The following REEP1 variants were observed in gnomAD, a reference collection of about 807,000 sequenced individuals.
REEP1 encodes the protein receptor accessory protein 1, also known as receptor expression-enhancing protein 1.
In REEP1, 22 loss-of-function variants were observed where a neutral mutation model predicts 40.3. The observed-to-expected ratio is 0.55, with a 90% CI of 0.39 to 0.78. The LOEUF (loss-of-function observed/expected upper bound fraction) is 0.78, where lower values mean the gene tolerates loss of function less well. Ranked by LOEUF, REEP1 falls within the 30% of genes least tolerant of loss-of-function variation. REEP1 has a pLI of 0.00. For missense variants in REEP1, 280 were observed against 361.1 expected (o/e 0.78, Z 1.82); for synonymous variants, 116 against 139.2 (o/e 0.83, Z 1.17).
intron 2 of REEP1, among the ~76,000 whole-genome samples, chr2:86,267,772 A>G (rs181075731): frequency 1.3e-5 from 2 of 152,310 alleles, no homozygotes; most frequent in Admixed American, 1.3e-4. Context: ...ACAACCCACA[A>G]AATGGTAGAA....
rs548037225 is a variant in REEP1 at position 86,218,279 on chromosome 2, G to A, written c.784-1169C>T. 4.6e-5 allele frequency among the ~76,000 whole-genome samples: 7 copies of A among 152,340 alleles called. No individual in the cohort carries two copies. The East Asian group carries it at 7.7e-4, about 17-fold the overall frequency. ...CAGAGGACTTTGCACCCAGTGGGAA[G>A]GGAGTGTGTGGGGGCCCTGCTCACT... On this transcript the variant is annotated intron_variant, in intron 8 of 8. Transcript: ENST00000538924.
At chr2:86,282,071 C>T in intron 2 of REEP1, 99 bp downstream of exon 2, 9 of 823,526 alleles carry the variant, frequency 1.1e-5, no homozygotes, top group South Asian at 1.1e-4. Flanking sequence ...CTTTTCCCTG[C>T]TTCCAGTGCC....
intron 2 of REEP1, among the ~76,000 whole-genome samples, chr2:86,267,882 G>A (rs577317887): frequency 1.7e-4 from 25 of 151,160 alleles, no homozygotes; most frequent in African/African-American, 5.1e-4. Flanking sequence ...AGTTAAAAAC[G>A]TGCAAAGGGC....
At chr2:86,317,290 T>C (rs1680062968) in intron 1 of REEP1, among the ~76,000 whole-genome samples, 1 of 152,238 alleles carries the variant, frequency 6.6e-6, no homozygotes, top group Non-Finnish European at 1.5e-5. Context: ...TAAAGGATTT[T>C]TTTTGACAAA....
chr2:86,231,894 G>A (rs554266914), intron 6 of REEP1, among the ~76,000 whole-genome samples: 41 of 152,300 alleles, frequency 2.7e-4, no homozygotes, highest in African/African-American at 9.1e-4. Context: ...ACACTTCTGG[G>A]TCTCACCCCA....
intron 2 of REEP1, among the ~76,000 whole-genome samples, chr2:86,275,062 C>A (rs1677680042): frequency 6.6e-6 from 1 of 152,206 alleles, no homozygotes; most frequent in African/African-American, 2.4e-5. Context: ...CAGGCACATT[C>A]AATTTCTCAA....
intron 2 of REEP1, among the ~76,000 whole-genome samples, chr2:86,269,856 T>A (rs984235991): frequency 6.6e-6 from 1 of 151,834 alleles, no homozygotes; most frequent in Non-Finnish European, 1.5e-5. Flanking sequence ...AAAAAACTCT[T>A]AAAACTCAAC....
chr2:86,328,117 G>A (rs1680599709), intron 1 of REEP1, among the ~76,000 whole-genome samples: 1 of 152,196 alleles, frequency 6.6e-6, no homozygotes, highest in African/African-American at 2.4e-5. Flanking sequence ...AACTCCCTCA[G>A]GAGGGGCACG....
intron 1 of REEP1, among the ~76,000 whole-genome samples, chr2:86,310,927 T>C (rs991325656): frequency 5.3e-5 from 8 of 152,328 alleles, no homozygotes; most frequent in Non-Finnish European, 7.3e-5. Context: ...TGGACAGCTA[T>C]GTAGGTCATT....
intron 2 of REEP1, among the ~76,000 whole-genome samples, chr2:86,275,430 CA>C (rs1258955096): frequency 6.6e-6 from 1 of 152,220 alleles, no homozygotes; most frequent in Non-Finnish European, 1.5e-5. Context: ...AGCCTTGCCC[CA>C]GCACACCTTT....
chr2:86,226,814 C>T (rs1032747945), intron 7 of REEP1, among the ~76,000 whole-genome samples: 8 of 152,068 alleles, frequency 5.3e-5, no homozygotes, highest in African/African-American at 1.9e-4. Context: ...CTTTGATACT[C>T]CTCCCTTCAA....
intron 3 of REEP1, among the ~76,000 whole-genome samples, chr2:86,256,176 G>A (rs1048399568): frequency 2.0e-5 from 3 of 150,738 alleles, no homozygotes; most frequent in Admixed American, 6.6e-5. Context: ...GTGAAACTCC[G>A]TCTCTACTAA....
intron 2 of REEP1, among the ~76,000 whole-genome samples, chr2:86,267,836 ACT>A (rs1677227975): frequency 6.6e-6 from 1 of 151,912 alleles, no homozygotes; most frequent in African/African-American, 2.4e-5. Context: ...TATATAAAAA[ACT>A]CTTATAACTC....
At chr2:86,231,697 GT>G (rs1675024637) in intron 6 of REEP1, among the ~76,000 whole-genome samples, 2 of 151,970 alleles carry the variant, frequency 1.3e-5, no homozygotes, top group East Asian at 3.9e-4. Flanking sequence ...ATCCAGAACC[GT>G]CCCCCACCCC....
intron 8 of REEP1, 117 bp downstream of exon 8, chr2:86,219,853 C>T (rs1169025690): frequency 2.8e-6 from 2 of 717,220 alleles, no homozygotes; most frequent in African/African-American, 1.8e-5. Flanking sequence ...GATCTTTCCA[C>T]CCCAGGTATT....
intron 1 of REEP1, among the ~76,000 whole-genome samples, chr2:86,316,065 A>G (rs901226940): frequency 1.3e-5 from 2 of 152,136 alleles, no homozygotes; most frequent in Admixed American, 6.6e-5. Flanking sequence ...GGCACCAACC[A>G]AAGAGTACAG....
chr2:86,218,294 C>T (rs1674236472), intron 8 of REEP1, among the ~76,000 whole-genome samples: 1 of 152,164 alleles, frequency 6.6e-6, no homozygotes, highest in African/African-American at 2.4e-5. Flanking sequence ...TGTGTGGGGG[C>T]CCTGCTCACT....
At chr2:86,307,700 G>T (rs1282678804) in intron 1 of REEP1, among the ~76,000 whole-genome samples, 2 of 151,888 alleles carry the variant, frequency 1.3e-5, no homozygotes, top group Admixed American at 1.3e-4. Context: ...CTGCACTCCA[G>T]GTCTGGGCTA....
At chr2:86,281,793 G>C (rs1414422393) in intron 2 of REEP1, among the ~76,000 whole-genome samples, 2 of 152,220 alleles carry the variant, frequency 1.3e-5, no homozygotes, top group Admixed American at 1.3e-4. Flanking sequence ...TCTAAAACCT[G>C]TGCTCCTGCC....
Sources: allele counts gnomAD v4.1 joint callset (sites outside exome capture counted in the v4.1 genomes callset), GRCh38; gene constraint gnomAD v4.1.1; transcripts MANE v1.5; gene names NCBI Gene and HGNC (gene_info 2026-07-23, HGNC 2026-07-21).